Variants in EXT2 observed in about 807,000 individuals in gnomAD.
The protein encoded by EXT2 is exostosin glycosyltransferase 2, also known as exostosin-2.
Under a neutral mutation model 81.6 loss-of-function variants are expected in EXT2, and 53 were observed. That is an observed-to-expected ratio of 0.65 (90% CI 0.52 to 0.82). EXT2 has a LOEUF of 0.82. Ranked by LOEUF, EXT2 falls within the 40% of genes least tolerant of loss-of-function variation. The pLI is 0.00. For missense variants in EXT2, 774 were observed against 910.2 expected (o/e 0.85, Z 1.93); for synonymous variants, 320 against 340.0 (o/e 0.94, Z 0.65).
chr11:44,175,649 T>C (rs1466862085), intron 8 of EXT2, among the ~76,000 whole-genome samples: 1 of 152,254 alleles, frequency 6.6e-6, no homozygotes, highest in East Asian at 1.9e-4. Context: ...TTCTTTTCCA[T>C]CACTTAACAT....
At chr11:44,186,626 A>G (rs954195390) in intron 8 of EXT2, among the ~76,000 whole-genome samples, 8 of 152,224 alleles carry the variant, frequency 5.3e-5, no homozygotes, top group African/African-American at 1.9e-4. Flanking sequence ...GCTAAAACTC[A>G]GATAATAACA....
chr11:44,097,988 G>A (rs1953925852), intron 1 of EXT2, among the ~76,000 whole-genome samples: 1 of 152,200 alleles, frequency 6.6e-6, no homozygotes, highest in Non-Finnish European at 1.5e-5. Context: ...CAGTGACTCA[G>A]TGCTTGACAG....
chr11:44,129,761 G>A (rs764250971), intron 6 of EXT2, among the ~76,000 whole-genome samples: 25 of 152,230 alleles, frequency 1.6e-4, no homozygotes, highest in Non-Finnish European at 3.2e-4. Context: ...TCAAGTGACT[G>A]AAATAATACC....
At position 44,234,224 on chromosome 11, in the gene EXT2, C is replaced by T. The variant is rs138722406; in HGVS notation, c.1916C>T (p.Thr639Met). The change falls in exon 12 of 14, where the codon ACG (threonine) becomes ATG (methionine). Residue 639 changes from threonine to methionine, a missense_variant. Thr to Met is a moderately conservative substitution (Grantham distance 81, BLOSUM62 -1). Around this residue, in one of 2 missense-constraint regions of EXT2, gnomAD observed 148 missense variants for 239.7 expected, o/e 0.62. Transcript: ENST00000533608. ...IAMNFLVANV[T>M]GKAVIKVTPR... ...ATGAACTTCCTGGTGGCCAACGTCA[C>T]GGGAAAAGCAGTTATCAAGGTAGGA... 1.3e-4 allele frequency: 217 copies of T among 1,613,910 alleles called. No homozygotes were observed. Among genetic ancestry groups the T allele is most frequent in the Non-Finnish European group, 1.4e-4 (166 of 1,180,002 alleles).
chr11:44,228,731 T>C (rs7941184), intron 10 of EXT2, among the ~76,000 whole-genome samples: 136,401 of 152,194 alleles, frequency 0.9, 61,235 homozygotes, highest in East Asian at 0.99. Flanking sequence ...CATAGTTTAG[T>C]ATCTGACCCA....
chr11:44,229,128 G>C (rs774202396), intron 10 of EXT2, among the ~76,000 whole-genome samples: 3 of 152,084 alleles, frequency 2.0e-5, no homozygotes, highest in Non-Finnish European at 4.4e-5. Flanking sequence ...AGTGATCATG[G>C]CATTGGTGTG....
At chr11:44,229,466 C>T (rs1268021584) in intron 10 of EXT2, among the ~76,000 whole-genome samples, 1 of 152,140 alleles carries the variant, frequency 6.6e-6, no homozygotes, top group African/African-American at 2.4e-5. Flanking sequence ...GGTTTGAGAG[C>T]CCTGTTAGGT....
intron 1 of EXT2, among the ~76,000 whole-genome samples, chr11:44,101,084 G>C (rs1320550350): frequency 2.0e-5 from 3 of 151,692 alleles, no homozygotes; most frequent in African/African-American, 7.3e-5. Context: ...TGGACCAGCA[G>C]AAACTGAGGA....
At chr11:44,206,594 T>C (rs1955585364) in intron 9 of EXT2, among the ~76,000 whole-genome samples, 199 bp from the exon 10 acceptor site, 1 of 150,538 alleles carries the variant, frequency 6.6e-6, no homozygotes, top group African/African-American at 2.5e-5. Context: ...TGTATATATG[T>C]GTACGTGCAG....
At chr11:44,211,220 G>T (rs963334487) in intron 10 of EXT2, among the ~76,000 whole-genome samples, 1 of 152,158 alleles carries the variant, frequency 6.6e-6, no homozygotes, top group African/African-American at 2.4e-5. Flanking sequence ...GAGCATGGAG[G>T]TTCCTCAAAA....
At chr11:44,235,384 G>A (rs572554819) in intron 12 of EXT2, among the ~76,000 whole-genome samples, 26 of 151,752 alleles carry the variant, frequency 1.7e-4, no homozygotes, top group African/African-American at 5.6e-4. Flanking sequence ...TGGGACTACA[G>A]GTGCACGCCG....
intron 10 of EXT2, among the ~76,000 whole-genome samples, chr11:44,213,047 T>G (rs1348665068): frequency 6.6e-6 from 1 of 152,108 alleles, no homozygotes; most frequent in Non-Finnish European, 1.5e-5. Context: ...GTAAGTAAAC[T>G]CTATTTCAAA....
chr11:44,138,435 A>C (rs1565208713), intron 7 of EXT2, among the ~76,000 whole-genome samples: 3 of 151,670 alleles, frequency 2.0e-5, no homozygotes, highest in African/African-American at 7.3e-5. Context: ...AGGTCTCCTG[A>C]CTCCCAGTCT....
intron 13 of EXT2, among the ~76,000 whole-genome samples, chr11:44,237,832 G>A (rs995299709): frequency 2.0e-5 from 3 of 150,072 alleles, no homozygotes; most frequent in Admixed American, 6.7e-5. Flanking sequence ...GGGTTACCAA[G>A]GCTGGTGGAT....
In EXT2 at chr11:44,248,375, A is replaced by G. The variant is rs1956112997; in HGVS notation, c.*4088A>G. On this transcript the variant is annotated 3_prime_UTR_variant, in exon 14 of 14. Transcript: ENST00000533608. ...GAAAGCAACTTGAGCTTTCCACTGC[A>G]GGGCCTGGAGGCATATGAAACCTGT... Among the ~76,000 whole-genome samples, 1 of 152,198 alleles carries G rather than the reference A, an allele frequency of 6.6e-6. No individual in the cohort carries two copies. The highest frequency in any genetic ancestry group is 1.5e-5 in the Non-Finnish European group (1 of 68,046).
At chr11:44,197,112 A>T (rs548427705) in intron 8 of EXT2, among the ~76,000 whole-genome samples, 7 of 152,242 alleles carry the variant, frequency 4.6e-5, no homozygotes, top group Non-Finnish European at 1.0e-4. Flanking sequence ...CTGTGCCTGT[A>T]TTTCCCTGTC....
intron 7 of EXT2, among the ~76,000 whole-genome samples, chr11:44,140,031 C>T (rs1347437223): frequency 6.6e-6 from 1 of 152,168 alleles, no homozygotes; most frequent in African/African-American, 2.4e-5. Flanking sequence ...CCGTTGGCCA[C>T]TGGTAGGGGC....
intron 1 of EXT2, chr11:44,103,617 A>G (rs530636495): frequency 2.4e-6 from 1 of 418,960 alleles, no homozygotes; most frequent in African/African-American, 2.2e-5. Flanking sequence ...TTTCTTGAAT[A>G]TTTGGTAGAA....
chr11:44,117,908 C>A (rs75055392), intron 4 of EXT2, among the ~76,000 whole-genome samples: 4,556 of 152,280 alleles, frequency 0.03, 104 homozygotes, highest in South Asian at 0.072. Flanking sequence ...ACTATAGGTA[C>A]ATGCCACCAC....
Sources: gnomAD v4.1 joint callset for allele counts (sites outside exome capture counted in the v4.1 genomes callset) on GRCh38, gnomAD v4.1.1 for gene constraint, gnomAD v4.1.1 regional missense constraint, MANE v1.5 for transcripts, NCBI Gene and HGNC (gene_info 2026-07-23, HGNC 2026-07-21) for gene names.